NCKAP5: variants seen among roughly 807,000 people sequenced by gnomAD.
The protein encoded by NCKAP5 is nck-associated protein 5.
A neutral mutation model predicts 167.0 loss-of-function variants in NCKAP5; 92 were observed. The observed-to-expected ratio is 0.55, with a 90% confidence interval of 0.47 to 0.66. The LOEUF (loss-of-function observed/expected upper bound fraction) is 0.66. NCKAP5 is among the 30% of genes least tolerant of loss of function. NCKAP5 has a pLI of 0.00. For missense variants in NCKAP5, 2,378 were observed against 2,315.0 expected, an observed-to-expected ratio of 1.03 and a Z score of -0.56; for synonymous variants, 891 against 877.4, an observed-to-expected ratio of 1.02 and a Z score of -0.27.
At chr2:132,856,168 T>C (rs776411867) in intron 11 of NCKAP5, among the ~76,000 whole-genome samples, 2 of 152,196 alleles carry the variant, frequency 1.3e-5, no homozygotes, top group Non-Finnish European at 2.9e-5. Flanking sequence ...GCTGAGGCCC[T>C]GGCTGGCCCC....
In NCKAP5 at chr2:133,323,427, C is replaced by T. The variant is rs371497700; in HGVS notation, c.70-20317G>A. ...TATTTCAGCATCTCAGGGTTTTCCT[C>T]CTCATCCTTTGTTGGAGAAGCTGAT... On this transcript the variant is annotated intron_variant, in intron 3 of 19. Coordinates refer to ENST00000409261, the MANE Select transcript of NCKAP5 (RefSeq NM_207363.3). Among the ~76,000 whole-genome samples, 108 of 152,306 alleles carry T rather than the reference C, an allele frequency of 7.1e-4. 1 individual carries two copies. The highest frequency in any genetic ancestry group is 2.6e-3 in the African/African-American group (106 of 41,560).
the NCKAP5 span, among the ~76,000 whole-genome samples, chr2:133,663,496 T>C: frequency 6.6e-4 from 100 of 152,360 alleles, no homozygotes; most frequent in African/African-American, 2.3e-3. Context: ...TGCTGTTGGA[T>C]AGTTGAAGTC....
intron 3 of NCKAP5, among the ~76,000 whole-genome samples, chr2:133,513,352 A>G (rs1463821201): frequency 2.6e-5 from 4 of 152,198 alleles, no homozygotes; most frequent in African/African-American, 9.6e-5. Context: ...GCAGGGTGAG[A>G]GTGGGAGAAC....
chr2:132,881,545 C>A (rs1364991820), intron 8 of NCKAP5, among the ~76,000 whole-genome samples: 1 of 138,614 alleles, frequency 7.2e-6, no homozygotes, highest in African/African-American at 2.8e-5. Context: ...CCTCTTCTTC[C>A]TTACCTTTCT....
chr2:133,545,722 G>T (rs1458083709), intron 2 of NCKAP5, among the ~76,000 whole-genome samples: 4 of 152,138 alleles, frequency 2.6e-5, no homozygotes, highest in African/African-American at 9.7e-5. Context: ...AGTTATGTGT[G>T]AGAATTTCGT....
chr2:132,792,647 T>C (rs898277393), intron 12 of NCKAP5, among the ~76,000 whole-genome samples: 2 of 152,212 alleles, frequency 1.3e-5, no homozygotes, highest in South Asian at 2.1e-4. Context: ...ACTGTGTCTA[T>C]TGTCCCACCA....
At chr2:133,633,725 T>C in the NCKAP5 span, among the ~76,000 whole-genome samples, 1 of 152,194 alleles carries the variant, frequency 6.6e-6, no homozygotes. Context: ...TTTTATGTCA[T>C]TGCTCAAGGG....
intron 8 of NCKAP5, among the ~76,000 whole-genome samples, chr2:132,929,131 C>A (rs1696158998): frequency 6.6e-6 from 1 of 152,186 alleles, no homozygotes; most frequent in Admixed American, 6.5e-5. Context: ...GAAGGCAGAA[C>A]TCTGCAGACC....
intron 8 of NCKAP5, among the ~76,000 whole-genome samples, chr2:132,890,393 G>A (rs191404774): frequency 7.2e-5 from 10 of 139,570 alleles, no homozygotes; most frequent in African/African-American, 2.3e-4. Flanking sequence ...ATATAGAGAG[G>A]CCACCATAAA....
At chr2:132,846,563 C>T (rs1469711857) in intron 11 of NCKAP5, among the ~76,000 whole-genome samples, 1 of 152,102 alleles carries the variant, frequency 6.6e-6, no homozygotes, top group Non-Finnish European at 1.5e-5. Flanking sequence ...CCTCGGCCTC[C>T]CAAAGTGCTG....
At chr2:133,532,703 T>G (rs1280869071) in intron 2 of NCKAP5, among the ~76,000 whole-genome samples, 1 of 152,170 alleles carries the variant, frequency 6.6e-6, no homozygotes, top group Non-Finnish European at 1.5e-5. Context: ...ATATATGTAA[T>G]TTTTATTGCC....
intron 5 of NCKAP5, among the ~76,000 whole-genome samples, chr2:133,187,734 G>C (rs770497753): frequency 6.6e-6 from 1 of 151,896 alleles, no homozygotes; most frequent in African/African-American, 2.4e-5. Flanking sequence ...CAGTGAGATG[G>C]CCTTCTTTGT....
At chr2:133,163,620 C>A (rs908047559) in intron 5 of NCKAP5, among the ~76,000 whole-genome samples, 1 of 152,294 alleles carries the variant, frequency 6.6e-6, no homozygotes, top group East Asian at 1.9e-4. Context: ...TGAGGAATTT[C>A]ATAATTCAGA....
At chr2:132,939,845 C>T (rs1191100299) in intron 8 of NCKAP5, among the ~76,000 whole-genome samples, 3 of 152,012 alleles carry the variant, frequency 2.0e-5, no homozygotes. Flanking sequence ...ACTAAAAATA[C>T]AAAAATTAGC....
At chr2:133,554,356 C>G (rs1687588459) in intron 2 of NCKAP5, 1 of 152,126 alleles carries the variant, frequency 6.6e-6, no homozygotes, top group Admixed American at 6.5e-5. Context: ...CAATGGGGAC[C>G]TGGATCTTAG....
chr2:133,633,973 C>T, the NCKAP5 span, among the ~76,000 whole-genome samples: 14 of 152,236 alleles, frequency 9.2e-5, no homozygotes, highest in African/African-American at 3.1e-4. Flanking sequence ...AGCAAAGAAT[C>T]GAGTTTAATC....
At chr2:133,358,661 G>C (rs139313989) in intron 3 of NCKAP5, among the ~76,000 whole-genome samples, 1 of 152,180 alleles carries the variant, frequency 6.6e-6, no homozygotes, top group African/African-American at 2.4e-5. Context: ...TTCTGTTGTG[G>C]CCTGGGAGTT....
chr2:133,362,914 A>C (rs1685210382), intron 3 of NCKAP5, among the ~76,000 whole-genome samples: 1 of 149,868 alleles, frequency 6.7e-6, no homozygotes, highest in African/African-American at 2.4e-5. Context: ...CCACCATGCC[A>C]GGCTAGTTTT....
rs771327327 is a variant in NCKAP5, at chr2:132,782,138, G to C, written c.4673C>G (p.Pro1558Arg). The C allele has an allele frequency of 1.9e-6, 3 of 1,610,980 alleles. No individual in the cohort carries two copies. The highest frequency in any genetic ancestry group is 1.7e-5 in the Admixed American group (1 of 59,304). Residue 1558 changes from proline to arginine, a missense_variant, in exon 14 of 20, where the codon CCT becomes CGT. By Grantham distance (103) the Pro-to-Arg change is moderately radical (BLOSUM62 -2). Around this residue, in one of 3 missense-constraint regions of NCKAP5, gnomAD observed 1,325 missense variants for 1,274.5 expected, o/e 1.04. Coordinates refer to ENST00000409261, the MANE Select transcript of NCKAP5 (RefSeq NM_207363.3). ...KSERKKEKKKPELQCETENEL... is the reference protein window; with the variant it reads ...KSERKKEKKKRELQCETENEL... ...ATTTTCTGTCTCACACTGTAGTTCA[G>C]GCTTCTTTTTCTCTTTTTTTCTTTC...
Sources: gnomAD v4.1 joint callset for allele counts (sites outside exome capture counted in the v4.1 genomes callset) on GRCh38, gnomAD v4.1.1 for gene constraint, gnomAD v4.1.1 regional missense constraint, MANE v1.5 for transcripts, NCBI Gene and HGNC (gene_info 2026-07-23, HGNC 2026-07-21) for gene names.